Variants in AUH observed in about 807,000 individuals in gnomAD.
The protein encoded by AUH is methylglutaconyl-CoA hydratase, mitochondrial.
In AUH, 29 loss-of-function variants were observed where a neutral mutation model predicts 42.3. The ratio of observed to expected loss-of-function variants is 0.69; its 90% CI spans 0.51 to 0.93. AUH has a LOEUF of 0.93. AUH is among the 40% of genes least tolerant of loss of function. The pLI is 0.00. For synonymous variants in AUH, 174 were observed against 166.4 expected (o/e 1.05, Z -0.35); for missense variants, 452 against 438.1 (o/e 1.03, Z -0.28).
At chr9:91,288,419 T>C (rs1826590425) in intron 6 of AUH, among the ~76,000 whole-genome samples, 1 of 152,164 alleles carries the variant, frequency 6.6e-6, no homozygotes, top group Non-Finnish European at 1.5e-5. Flanking sequence ...GAAATGTAAA[T>C]GCTTTCTTAA....
At chr9:91,317,303 T>C (rs1416160163) in intron 4 of AUH, among the ~76,000 whole-genome samples, 1 of 152,220 alleles carries the variant, frequency 6.6e-6, no homozygotes, top group South Asian at 2.1e-4. Flanking sequence ...GTGAGAATCA[T>C]CTTTTTAATA....
chr9:91,297,974 T>G lies in AUH; in HGVS notation c.598+10A>C, dbSNP rs186203318. 8.6e-4 allele frequency: 1,352 copies of G among 1,579,414 alleles called. 3 individuals are homozygous for G. Among genetic ancestry groups the G allele is most frequent in the Non-Finnish European group, 1.1e-3 (1,231 of 1,148,494 alleles). On this transcript the variant is annotated intron_variant, in intron 5 of 9. Transcript: ENST00000375731. ...TTTTAAATTATGTTTTTAACAGGATTAATTCTTACCTGCTACTCGTATATC... is the reference window on the plus strand; with the variant it reads ...TTTTAAATTATGTTTTTAACAGGATGAATTCTTACCTGCTACTCGTATATC...
intron 6 of AUH, among the ~76,000 whole-genome samples, chr9:91,239,727 A>T (rs890504056): frequency 1.3e-5 from 2 of 151,650 alleles, no homozygotes; most frequent in Admixed American, 6.6e-5. Flanking sequence ...CCTGTTGTAA[A>T]GCAATGAAAA....
chr9:91,214,572 C>T, intron 9 of AUH, 147 bp from the exon 10 acceptor site: 2 of 670,678 alleles, frequency 3.0e-6, no homozygotes, highest in Non-Finnish European at 5.0e-6. Context: ...TGTAACCAAA[C>T]TCATCCTTCT....
At chr9:91,313,565 C>T (rs1395726414) in intron 4 of AUH, among the ~76,000 whole-genome samples, 7 of 151,498 alleles carry the variant, frequency 4.6e-5, no homozygotes, top group Non-Finnish European at 8.8e-5. Context: ...ATTAGCCGGG[C>T]GCGGTGGCGG....
chr9:91,231,656 T>C (rs1334681542), intron 6 of AUH, among the ~76,000 whole-genome samples: 1 of 152,168 alleles, frequency 6.6e-6, no homozygotes, highest in African/African-American at 2.4e-5. Context: ...AAATTATAAT[T>C]GTTTCAGTCT....
intron 6 of AUH, among the ~76,000 whole-genome samples, chr9:91,289,568 G>C (rs1826689650): frequency 6.6e-6 from 1 of 152,200 alleles, no homozygotes; most frequent in Non-Finnish European, 1.5e-5. Context: ...ATTAAATACA[G>C]TCTACTGTGT....
chr9:91,267,581 A>G (rs1456454366), intron 6 of AUH, among the ~76,000 whole-genome samples: 10 of 152,148 alleles, frequency 6.6e-5, no homozygotes, highest in Admixed American at 3.3e-4. Context: ...GCAAGTGGAA[A>G]GCAAGTATGA....
chr9:91,279,626 C>T (rs1270490111), intron 6 of AUH, among the ~76,000 whole-genome samples: 1 of 152,094 alleles, frequency 6.6e-6, no homozygotes, highest in East Asian at 1.9e-4. Context: ...TTTAAACAAC[C>T]AGATCACCTG....
At chr9:91,323,331 T>G (rs1266514304) in intron 4 of AUH, among the ~76,000 whole-genome samples, 1 of 151,892 alleles carries the variant, frequency 6.6e-6, no homozygotes, top group African/African-American at 2.4e-5. Flanking sequence ...CACATAAAAG[T>G]TATTAACTTT....
chr9:91,294,448 T>C (rs1394797925), intron 6 of AUH, among the ~76,000 whole-genome samples: 1 of 152,140 alleles, frequency 6.6e-6, no homozygotes, highest in Non-Finnish European at 1.5e-5. Flanking sequence ...CTCAGGAGGC[T>C]GAGGCAGGAG....
At chr9:91,330,755 C>A (rs150170468) in intron 3 of AUH, among the ~76,000 whole-genome samples, 4 of 152,238 alleles carry the variant, frequency 2.6e-5, no homozygotes, top group African/African-American at 9.6e-5. Context: ...TACTCCTAGA[C>A]GAATGGTACA....
chr9:91,233,185 G>A (rs1483430079), intron 6 of AUH, among the ~76,000 whole-genome samples: 2 of 152,152 alleles, frequency 1.3e-5, no homozygotes, highest in East Asian at 1.9e-4. Flanking sequence ...AGATGGAGTG[G>A]GGATGGGCAC....
chr9:91,344,489 G>C lies in AUH; in HGVS notation c.418+11394C>G, dbSNP rs142994187. ...CTCCTGGGGCTGGTCACTCATATTT[G>C]GCTCAGAATAAATCTCTTCGAATAT... On this transcript the variant is annotated intron_variant, in intron 3 of 9. Coordinates refer to ENST00000375731, the MANE Select transcript of AUH (RefSeq NM_001698.3). Among the ~76,000 whole-genome samples the C allele has an allele frequency of 2.6e-5, 4 of 152,266 alleles. No homozygotes were observed. In the East Asian group the frequency reaches 5.8e-4, roughly 22 times the overall value.
intron 6 of AUH, among the ~76,000 whole-genome samples, chr9:91,235,125 T>G (rs1828104235): frequency 6.6e-6 from 1 of 151,944 alleles, no homozygotes; most frequent in Admixed American, 6.6e-5. Flanking sequence ...ACAAAGGCAC[T>G]GGAGGATTTT....
chr9:91,347,922 A>G (rs1186361376), intron 3 of AUH, among the ~76,000 whole-genome samples: 1 of 152,178 alleles, frequency 6.6e-6, no homozygotes, highest in East Asian at 1.9e-4. Context: ...ATAATAAAAA[A>G]AAGAAACAAT....
chr9:91,296,379 G>C (rs940861553), intron 5 of AUH, among the ~76,000 whole-genome samples: 17 of 152,212 alleles, frequency 1.1e-4, no homozygotes, highest in Middle Eastern at 3.4e-3. Flanking sequence ...CATATTTGGA[G>C]GCATAGATCT....
intron 6 of AUH, among the ~76,000 whole-genome samples, chr9:91,258,483 C>T (rs766540898): frequency 6.6e-6 from 1 of 152,196 alleles, no homozygotes; most frequent in African/African-American, 2.4e-5. Flanking sequence ...GATCCACCCG[C>T]CATGGCCTCC....
chr9:91,264,125 C>T (rs1829844711), intron 6 of AUH, among the ~76,000 whole-genome samples: 1 of 152,044 alleles, frequency 6.6e-6, no homozygotes, highest in African/African-American at 2.4e-5. Context: ...TATACACACA[C>T]ATATATGTGT....
Sources: allele counts gnomAD v4.1 joint callset (sites outside exome capture counted in the v4.1 genomes callset), GRCh38; gene constraint gnomAD v4.1.1; transcripts MANE v1.5; gene names NCBI Gene and HGNC (gene_info 2026-07-23, HGNC 2026-07-21).